The following GRIN2A variants were observed in gnomAD, a reference collection of about 807,000 sequenced individuals.
GRIN2A encodes the protein glutamate receptor ionotropic, NMDA 2A.
GRIN2A carries 22 observed loss-of-function variants against 113.4 expected under a neutral mutation model. The ratio of observed to expected loss-of-function variants is 0.19; its 90% CI spans 0.14 to 0.28. The LOEUF is 0.28. Among genes scored for constraint, GRIN2A ranks in the 10% least tolerant of loss-of-function variants. The pLI is 1.00. For synonymous variants in GRIN2A, 827 were observed against 738.4 expected, an observed-to-expected ratio of 1.12 and a Z score of -1.94; for missense variants, 1,502 against 1,887.0, an observed-to-expected ratio of 0.80 and a Z score of 3.78.
At chr16:10,034,562 A>G (rs963247613) in intron 2 of GRIN2A, among the ~76,000 whole-genome samples, 31 of 148,454 alleles carry the variant, frequency 2.1e-4, no homozygotes, top group African/African-American at 5.5e-4. Context: ...AAAAAAAAAA[A>G]AACTGGCTCA....
intron 2 of GRIN2A, among the ~76,000 whole-genome samples, chr16:10,043,720 C>A (rs1044527704): frequency 2.0e-5 from 3 of 151,954 alleles, no homozygotes; most frequent in South Asian, 4.2e-4. Flanking sequence ...AGCATCTTAA[C>A]CTGCCCCCAT....
chr16:10,111,365 C>T lies in GRIN2A; in HGVS notation c.414+68633G>A, dbSNP rs771287475. The T allele has an allele frequency of 2.0e-5, 9 of 439,296 alleles. 1 individual carries two copies. Among genetic ancestry groups the T allele is most frequent in the Admixed American group, 3.4e-5 (1 of 29,090 alleles). The allele number at this position is 439,296 out of a possible 1,614,324, so 27.2% of individuals were successfully genotyped here. On this transcript the variant is annotated intron_variant, in intron 2 of 12. Coordinates refer to ENST00000330684, the MANE Select transcript of GRIN2A (RefSeq NM_001134407.3). The stretch of plus-strand genomic sequence containing the variant: ...GGCCGCGCGGGTGTTTGTCGCTTCG[C>T]GGGGCCTTGCGGCAGCATGGCGAAC...
At chr16:9,862,612 C>T (rs925193269) in intron 4 of GRIN2A, among the ~76,000 whole-genome samples, 2 of 152,144 alleles carry the variant, frequency 1.3e-5, no homozygotes, top group African/African-American at 4.8e-5. Flanking sequence ...CTCCAGAGTT[C>T]CTTTGTTGCC....
chr16:9,876,124 C>A (rs1165594080), intron 4 of GRIN2A, among the ~76,000 whole-genome samples: 3 of 152,046 alleles, frequency 2.0e-5, no homozygotes, highest in Non-Finnish European at 2.9e-5. Context: ...ACAATCTAAG[C>A]CCAGGGCATA....
At chr16:9,949,737 ATGGG>A (rs530646114) in intron 2 of GRIN2A, among the ~76,000 whole-genome samples, 19 of 151,612 alleles carry the variant, frequency 1.3e-4, no homozygotes, top group African/African-American at 2.2e-4. Flanking sequence ...AAATGGATGG[ATGGG>A]TGGGTGGGTG....
chr16:10,110,351 A>C (rs1300665387), intron 2 of GRIN2A, among the ~76,000 whole-genome samples: 2 of 152,256 alleles, frequency 1.3e-5, no homozygotes, highest in South Asian at 2.1e-4. Flanking sequence ...GGACCTCATC[A>C]AGGTAAATAG....
intron 11 of GRIN2A, among the ~76,000 whole-genome samples, chr16:9,778,976 G>A (rs760297541): frequency 5.9e-5 from 9 of 152,314 alleles, no homozygotes; most frequent in Admixed American, 3.9e-4. Context: ...CACATCCTGG[G>A]CAGGGAGGGT....
At chr16:9,966,044 T>C (rs1193222049) in intron 2 of GRIN2A, among the ~76,000 whole-genome samples, 2 of 152,202 alleles carry the variant, frequency 1.3e-5, no homozygotes, top group African/African-American at 4.8e-5. Context: ...TTTTAACTAG[T>C]TTCCCAAGGT....
At chr16:9,943,130 C>T (rs1259375463) in intron 2 of GRIN2A, 1 of 152,296 alleles carries the variant, frequency 6.6e-6, no homozygotes, top group Non-Finnish European at 1.5e-5. Flanking sequence ...CCTGCACTTA[C>T]CTCCTCCTGC....
intron 2 of GRIN2A, among the ~76,000 whole-genome samples, chr16:9,963,175 C>T (rs893613607): frequency 1.8e-4 from 27 of 149,910 alleles, no homozygotes; most frequent in South Asian, 6.6e-4. Flanking sequence ...TGCTAAATGA[C>T]GAGTTAATGG....
intron 3 of GRIN2A, among the ~76,000 whole-genome samples, chr16:9,935,454 T>C (rs1210444041): frequency 3.3e-5 from 5 of 151,890 alleles, no homozygotes; most frequent in South Asian, 2.1e-4. Context: ...GATTTCTTAA[T>C]TCAAGGTTCA....
rs570387045 is a variant in GRIN2A at position 9,945,131 on chromosome 16, G to A, written c.415-6580C>T. Among the ~76,000 whole-genome samples, 12 of 152,166 alleles carry A rather than the reference G, an allele frequency of 7.9e-5. No homozygotes were observed. In the East Asian group the frequency reaches 1.9e-3, roughly 25 times the overall value. ...AGGCCAGGAGTTTGAAACCAGTCTG[G>A]CCAACCCCAGAGTAAGACCCATCTC... On this transcript the variant is annotated intron_variant, in intron 2 of 12. Coordinates refer to ENST00000330684, the MANE Select transcript of GRIN2A (RefSeq NM_001134407.3).
intron 4 of GRIN2A, 126 bp from the exon 5 acceptor site, chr16:9,850,087 T>A: frequency 2.5e-6 from 2 of 784,334 alleles, no homozygotes; most frequent in Non-Finnish European, 4.4e-6. Context: ...TCTCAACATA[T>A]GCATCTACTT....
intron 2 of GRIN2A, among the ~76,000 whole-genome samples, chr16:10,092,085 T>G (rs890694205): frequency 1.8e-4 from 28 of 152,370 alleles, no homozygotes; most frequent in Non-Finnish European, 5.9e-5. Context: ...TTTAGTCATC[T>G]GCATGCCTTG....
At chr16:9,772,510 G>A (rs111373467) in intron 11 of GRIN2A, among the ~76,000 whole-genome samples, 3,658 of 152,112 alleles carry the variant, frequency 0.024, 69 homozygotes, top group African/African-American at 0.058. Flanking sequence ...TAGTTGGGAC[G>A]ACAGGCACAT....
intron 8 of GRIN2A, among the ~76,000 whole-genome samples, chr16:9,833,676 G>A (rs747491996): frequency 6.6e-5 from 10 of 152,188 alleles, no homozygotes; most frequent in Non-Finnish European, 1.2e-4. Context: ...AGCAATATCA[G>A]TGACCCAAAA....
At chr16:9,775,476 G>T (rs554105150) in intron 11 of GRIN2A, among the ~76,000 whole-genome samples, 112 of 152,206 alleles carry the variant, frequency 7.4e-4, no homozygotes, top group African/African-American at 2.7e-3. Flanking sequence ...GATAGTCTTT[G>T]GCCTCTAAGA....
At chr16:10,098,683 T>C (rs2048339457) in intron 2 of GRIN2A, among the ~76,000 whole-genome samples, 1 of 152,198 alleles carries the variant, frequency 6.6e-6, no homozygotes, top group Non-Finnish European at 1.5e-5. Flanking sequence ...TGAAGACTAT[T>C]ATTCTAAGTA....
At position 9,942,832 on chromosome 16, in the gene GRIN2A, A is replaced by G. The variant is rs57289056; in HGVS notation, c.415-4281T>C. 9.2e-3 allele frequency among the ~76,000 whole-genome samples: 1,405 copies of G among 152,248 alleles called. 17 individuals are homozygous for G. Among genetic ancestry groups the G allele is most frequent in the African/African-American group, 0.032 (1,340 of 41,548 alleles). On this transcript the variant is annotated intron_variant, in intron 2 of 12. Coordinates refer to ENST00000330684, the MANE Select transcript of GRIN2A (RefSeq NM_001134407.3). Reference sequence around the variant, plus strand: ...CATGCAGTTACCCTGTACTACTGTCATTTCTATTGGTATCTTAAAATTCAA... The same window carrying G: ...CATGCAGTTACCCTGTACTACTGTCGTTTCTATTGGTATCTTAAAATTCAA...
Sources: allele counts gnomAD v4.1 joint callset (sites outside exome capture counted in the v4.1 genomes callset), GRCh38; gene constraint gnomAD v4.1.1; transcripts MANE v1.5; gene names NCBI Gene and HGNC (gene_info 2026-07-23, HGNC 2026-07-21).